Variants in TMED7 observed in about 807,000 individuals in gnomAD.
The protein encoded by TMED7 is transmembrane emp24 domain-containing protein 7.
TMED7 carries 8 observed loss-of-function variants against 23.4 expected under a neutral mutation model. The observed-to-expected ratio is 0.34, with a 90% CI of 0.20 to 0.62. The LOEUF (loss-of-function observed/expected upper bound fraction) is 0.62. TMED7 is among the 20% of genes least tolerant of loss of function. TMED7 has a pLI of 0.77. For synonymous variants in TMED7, 121 were observed against 108.5 expected, an observed-to-expected ratio of 1.12 and a Z score of -0.72; for missense variants, 232 against 279.1, an observed-to-expected ratio of 0.83 and a Z score of 1.20.
chr5:115,619,136 T>C (rs985417950), intron 2 of TMED7: 9 of 152,312 alleles, frequency 5.9e-5, no homozygotes, highest in Non-Finnish European at 1.3e-4. Context: ...TTTACCCACT[T>C]AGGTTTTTAG....
At chr5:115,625,569 T>G (rs372326198) in intron 1 of TMED7, 32 bp downstream of exon 1, 14 of 1,501,858 alleles carry the variant, frequency 9.3e-6, no homozygotes, top group African/African-American at 1.4e-5. Context: ...GAGCCGCGAG[T>G]TGGGGCCCAG....
chr5:115,621,147 C>T (rs950580222), intron 1 of TMED7, among the ~76,000 whole-genome samples: 2 of 152,188 alleles, frequency 1.3e-5, no homozygotes, highest in Non-Finnish European at 2.9e-5. Context: ...TTCCTATTAG[C>T]ATCATCCAAG....
chr5:115,620,365 A>G (rs1756983703), intron 2 of TMED7, 70 bp downstream of exon 2: 2 of 1,420,474 alleles, frequency 1.4e-6, no homozygotes, highest in Non-Finnish European at 1.8e-6. Context: ...CAGTTAGTGC[A>G]TGATATTAAA....
chr5:115,625,930 T>G lies in TMED7; in HGVS notation c.-138A>C. On this transcript the variant is annotated 5_prime_UTR_variant, in exon 1 of 3. Transcript: ENST00000456936. Reference sequence around the variant, plus strand: ...AGAGCAGGTTCACGCCTGTGGGAGATTCGGGATCAGAGCGACCCTCCGGCT... The same window carrying G: ...AGAGCAGGTTCACGCCTGTGGGAGAGTCGGGATCAGAGCGACCCTCCGGCT... 8.3e-7 allele frequency: 1 copy of G among 1,202,722 alleles called. No homozygotes were observed. Among genetic ancestry groups the G allele is most frequent in the Non-Finnish European group, 1.1e-6 (1 of 949,532 alleles). 74.5% of individuals were successfully genotyped at this position (1,202,722 alleles called of 1,614,324 possible). A position where few individuals can be genotyped will look rare whatever the true frequency, so the allele number is the denominator to read the frequency against.
At chr5:115,619,811 T>C (rs1328512736) in intron 2 of TMED7, among the ~76,000 whole-genome samples, 3 of 152,116 alleles carry the variant, frequency 2.0e-5, no homozygotes, top group East Asian at 3.8e-4. Context: ...GAACTAGAAA[T>C]AAAACAGTCC....
At chr5:115,619,421 T>G (rs777034825) in intron 2 of TMED7, among the ~76,000 whole-genome samples, 1 of 152,168 alleles carries the variant, frequency 6.6e-6, no homozygotes, top group Non-Finnish European at 1.5e-5. Context: ...AAATACCAGT[T>G]TAAGATGTTA....
At chr5:115,617,149 CATTT>C (rs1756800054) in intron 2 of TMED7, among the ~76,000 whole-genome samples, 1 of 152,138 alleles carries the variant, frequency 6.6e-6, no homozygotes, top group African/African-American at 2.4e-5. Flanking sequence ...CCTTTTTATA[CATTT>C]ATTATACCAT....
rs374997933 is a variant in TMED7 at position 115,621,886 on chromosome 5, TG to T, written c.193-1207del. On this transcript the variant is annotated intron_variant, in intron 1 of 2. Coordinates refer to ENST00000456936, the MANE Select transcript of TMED7 (RefSeq NM_181836.6). ...CATCCTGACATTCTAGGTCAAACTT[TG>T]GATTTAAAAGAAGGATCTGTGTGAC... is the stretch of plus-strand genomic sequence containing the variant. 3.6e-3 allele frequency among the ~76,000 whole-genome samples: 545 copies of T among 152,254 alleles called. 6 individuals carry two copies. Among genetic ancestry groups the T allele is most frequent in the African/African-American group, 0.012 (505 of 41,518 alleles).
intron 2 of TMED7, among the ~76,000 whole-genome samples, chr5:115,618,766 A>G (rs530411884): frequency 6.6e-6 from 1 of 152,342 alleles, no homozygotes; most frequent in Admixed American, 6.5e-5. Context: ...TGATCCACTC[A>G]GTATAAAGTT....
In TMED7 at chr5:115,613,927, T is replaced by G. The variant is rs1408864182; in HGVS notation, c.*2282A>C. On this transcript the variant is annotated 3_prime_UTR_variant, in exon 3 of 3. Transcript: ENST00000456936. ...TTGTATATCAAGTTGCTTTCCATTATTTATTCTACTTTAAAAATATATACA... is the reference window on the plus strand; with the variant it reads ...TTGTATATCAAGTTGCTTTCCATTAGTTATTCTACTTTAAAAATATATACA... 6.6e-6 allele frequency: 1 copy of G among 152,566 alleles called. No homozygotes were observed. The highest frequency in any genetic ancestry group is 1.5e-5 in the Non-Finnish European group (1 of 67,958). The allele number at this position is 152,566 out of a possible 1,614,324, so 9.5% of individuals were successfully genotyped here.
intron 1 of TMED7, among the ~76,000 whole-genome samples, chr5:115,622,498 A>C (rs1216505145): frequency 2.0e-5 from 3 of 152,168 alleles, no homozygotes; most frequent in Non-Finnish European, 2.9e-5. Flanking sequence ...TCAACCTCGC[A>C]TTATTCCCAT....
In TMED7 at chr5:115,625,846, G is replaced by C; in HGVS notation, c.-54C>G. 7.4e-7 allele frequency: 1 copy of C among 1,348,138 alleles called. No individual in the cohort carries two copies. The highest frequency in any genetic ancestry group is 2.0e-5 in the South Asian group (1 of 50,740). 83.5% of individuals were successfully genotyped at this position (1,348,138 alleles called of 1,614,324 possible). On this transcript the variant is annotated 5_prime_UTR_variant, in exon 1 of 3. Transcript: ENST00000456936. ...AGCTGCGAGACGCAGGGTCAGGTCT[G>C]CGCGGACTCACCGCGCGCGGCAGGC...
chr5:115,617,979 A>G (rs926980430), intron 2 of TMED7, among the ~76,000 whole-genome samples: 1 of 152,196 alleles, frequency 6.6e-6, no homozygotes, highest in Non-Finnish European at 1.5e-5. Flanking sequence ...TTTTTAGTAG[A>G]AACAGGGTTT....
At chr5:115,620,243 A>T in intron 2 of TMED7, 192 bp downstream of exon 2, 2 of 731,306 alleles carry the variant, frequency 2.7e-6, no homozygotes, top group Middle Eastern at 9.1e-4. Flanking sequence ...AAGTTCATAA[A>T]ATCTTTCAAC....
intron 2 of TMED7, among the ~76,000 whole-genome samples, chr5:115,619,440 G>A (rs917333124): frequency 1.3e-5 from 2 of 152,138 alleles, no homozygotes; most frequent in Admixed American, 6.5e-5. Flanking sequence ...TAACGAATAA[G>A]TGGTAAATAA....
rs1756998605 is a variant in TMED7, at chr5:115,620,698, A to G, written c.193-18T>C. The stretch of plus-strand genomic sequence containing the variant: ...GTAATCACCTGTAAGAGATTAAAAA[A>G]GAAAAATCACTGTGAAAAGTGTGAA... On this transcript the variant is annotated intron_variant, in intron 1 of 2. Coordinates refer to ENST00000456936, the MANE Select transcript of TMED7 (RefSeq NM_181836.6). The G allele has an allele frequency of 2.2e-6, 3 of 1,374,702 alleles. No homozygotes were observed. The highest frequency in any genetic ancestry group is 2.8e-6 in the Non-Finnish European group (3 of 1,056,756). 85.2% of individuals were successfully genotyped at this position (1,374,702 alleles called of 1,614,324 possible).
rs1385079338 is a variant in TMED7, at chr5:115,625,937, T to A, written c.-145A>T. ...GTTCACGCCTGTGGGAGATTCGGGA[T>A]CAGAGCGACCCTCCGGCTTCCTGTG... On this transcript the variant is annotated 5_prime_UTR_variant, in exon 1 of 3. Coordinates refer to ENST00000456936, the MANE Select transcript of TMED7 (RefSeq NM_181836.6). 2 of 1,163,490 alleles carry A rather than the reference T, an allele frequency of 1.7e-6. No individual in the cohort carries two copies. Among genetic ancestry groups the A allele is most frequent in the African/African-American group, 1.6e-5 (1 of 61,926 alleles). 72.1% of individuals were successfully genotyped at this position (1,163,490 alleles called of 1,614,324 possible).
rs1021900351 is a variant in TMED7, at chr5:115,625,331, G to A, written c.192+270C>T. Among the ~76,000 whole-genome samples the A allele has an allele frequency of 2.0e-5, 3 of 152,154 alleles. 1 individual carries two copies. Among genetic ancestry groups the A allele is most frequent in the Non-Finnish European group, 4.4e-5 (3 of 68,028 alleles). On this transcript the variant is annotated intron_variant, in intron 1 of 2. Coordinates refer to ENST00000456936, the MANE Select transcript of TMED7 (RefSeq NM_181836.6). ...GATTTTCTTTAAGGGAATCTTTTAA[G>A]GAAGAAAGTTCAATAGGCCTTAAAA...
chr5:115,617,187 C>G (rs1182786105), intron 2 of TMED7, among the ~76,000 whole-genome samples: 3 of 152,052 alleles, frequency 2.0e-5, no homozygotes, highest in Non-Finnish European at 4.4e-5. Flanking sequence ...GGTTAAATGA[C>G]TAGTTTTTTT....
Sources: gnomAD v4.1 joint callset for allele counts (sites outside exome capture counted in the v4.1 genomes callset) on GRCh38, gnomAD v4.1.1 for gene constraint, MANE v1.5 for transcripts, NCBI Gene and HGNC (gene_info 2026-07-23, HGNC 2026-07-21) for gene names.